Variants in STARD9 observed in about 807,000 individuals in gnomAD.
STARD9 encodes the protein stAR-related lipid transfer protein 9.
A neutral mutation model predicts 399.8 loss-of-function variants in STARD9; 346 were observed. The observed-to-expected ratio is 0.87, with a 90% confidence interval of 0.79 to 0.95. STARD9 has a LOEUF of 0.95. STARD9 is among the 40% of genes least tolerant of loss of function. STARD9 has a pLI of 0.00. For synonymous variants in STARD9, 2,203 were observed against 2,143.5 expected, an observed-to-expected ratio of 1.03 and a Z score of -0.77; for missense variants, 5,832 against 5,667.5, an observed-to-expected ratio of 1.03 and a Z score of -0.93.
Position 42,690,836 on chromosome 15 carries a change from G to T in STARD9, c.9258G>T (p.Glu3086Asp). 2.0e-6 allele frequency: 3 copies of T among 1,537,132 alleles called. No individual in the cohort carries two copies. In the South Asian group the frequency reaches 3.6e-5, roughly 18 times the overall value. The change falls in exon 23 of 33, where the codon GAG becomes GAT. Residue 3086 changes from glutamate to aspartate, a missense_variant. Around this residue, in one of 2 missense-constraint regions of STARD9, gnomAD observed 5,828 missense variants for 5,651.1 expected, o/e 1.03. Coordinates refer to ENST00000290607, the MANE Select transcript of STARD9 (RefSeq NM_020759.3). ...DGSVGLIGVP[E>D]KKVAEKQAST... The stretch of plus-strand genomic sequence containing the variant: ...GCGTGGGGTTAATAGGGGTTCCTGA[G>T]AAAAAGGTTGCTGAGAAGCAAGCAA...
At chr15:42,665,957 C>T (rs1464931100) in intron 15 of STARD9, 109 bp downstream of exon 15, 12 of 852,232 alleles carry the variant, frequency 1.4e-5, no homozygotes, top group East Asian at 5.3e-5. Flanking sequence ...AGAGCTGTCT[C>T]ATTTAAATAC....
At position 42,684,399 on chromosome 15, in the gene STARD9, C is replaced by T. The variant is rs1388042241; in HGVS notation, c.2821C>T (p.Pro941Ser). 2 of 1,537,126 alleles carry T rather than the reference C, an allele frequency of 1.3e-6. No homozygotes were observed. Among genetic ancestry groups the T allele is most frequent in the Non-Finnish European group, 1.7e-6 (2 of 1,146,904 alleles). Residue 941 changes from proline (P) to serine (S), a missense_variant, in exon 23 of 33, where the codon CCC (proline) becomes TCC (serine). Physicochemically the swap from Pro to Ser is moderately conservative, Grantham distance 74. Around this residue, in one of 2 missense-constraint regions of STARD9, gnomAD observed 5,828 missense variants for 5,651.1 expected, o/e 1.03. Transcript: ENST00000290607. ...IQEMEMGVKQ[P>S]HQMVSQGLAS... is the part of the protein sequence containing the mutation. ...GGAAATGGAGATGGGGGTTAAGCAG[C>T]CCCATCAGATGGTGAGCCAGGGCTT...
rs907381154 is a variant in STARD9 at position 42,693,199 on chromosome 15, C to G, written c.11621C>G (p.Ser3874Cys). 2.6e-6 allele frequency: 4 copies of G among 1,537,136 alleles called. No individual in the cohort carries two copies. The highest frequency in any genetic ancestry group is 2.4e-5 in the South Asian group (2 of 84,062). ...PHSPGLFPST[S>C]EYPGDSRVQK... is the part of the protein sequence containing the mutation. The stretch of plus-strand genomic sequence containing the variant: ...TCCCCAGGGCTCTTTCCCAGTACTT[C>G]CGAGTATCCTGGGGACTCCAGGGTC... The change falls in exon 23 of 33, where the codon TCC becomes TGC. Residue 3874 changes from serine to cysteine, a missense_variant. Physicochemically the swap from Ser to Cys is moderately radical, Grantham distance 112. This residue lies in a region of STARD9 where 5,828 missense variants were observed against 5,651.1 expected (regional missense o/e 1.03). Coordinates refer to ENST00000290607, the MANE Select transcript of STARD9 (RefSeq NM_020759.3).
intron 3 of STARD9, among the ~76,000 whole-genome samples, chr15:42,607,657 C>T (rs1013494733): frequency 7.0e-6 from 1 of 142,628 alleles, no homozygotes; most frequent in Non-Finnish European, 1.5e-5. Context: ...CTTATACACA[C>T]ACACACACAC....
Position 42,692,559 on chromosome 15 carries a change from C to A in STARD9, c.10981C>A (p.Pro3661Thr). The A allele has an allele frequency of 3.3e-6, 5 of 1,537,212 alleles. No homozygotes were observed. Among genetic ancestry groups the A allele is most frequent in the Non-Finnish European group, 4.4e-6 (5 of 1,146,916 alleles). The change falls in exon 23 of 33, where the codon CCT becomes ACT. Residue 3661 changes from proline (P) to threonine (T), a missense_variant. This residue lies in a region of STARD9 where 5,828 missense variants were observed against 5,651.1 expected (regional missense o/e 1.03). Transcript: ENST00000290607. The part of the protein sequence containing the change: ...WSSTDISFAQ[P>T]EASAVSAFDL... ...CAGCACTGACATCTCCTTTGCTCAG[C>A]CTGAAGCCAGTGCAGTATCAGCCTT...
At chr15:42,618,426 C>A (rs12914539) in intron 3 of STARD9, among the ~76,000 whole-genome samples, 19,944 of 152,180 alleles carry the variant, frequency 0.13, 1,451 homozygotes, top group African/African-American at 0.16. Context: ...AGCCGCCACA[C>A]CCTGCCACTA....
intron 7 of STARD9, among the ~76,000 whole-genome samples, chr15:42,646,985 A>G (rs981825831): frequency 2.6e-5 from 4 of 152,218 alleles, no homozygotes. Flanking sequence ...TGGCTGGTGG[A>G]GCAGTCAGAA....
chr15:42,686,113 A>T lies in STARD9; in HGVS notation c.4535A>T (p.Tyr1512Phe), dbSNP rs1237183135. 2 of 1,537,164 alleles carry T rather than the reference A, an allele frequency of 1.3e-6. No individual in the cohort carries two copies. Among genetic ancestry groups the T allele is most frequent in the South Asian group, 2.4e-5 (2 of 84,044 alleles). Residue 1512 changes from tyrosine to phenylalanine, a missense_variant, in exon 23 of 33, where the codon TAC (tyrosine) becomes TTC (phenylalanine). This residue lies in a region of STARD9 where 5,828 missense variants were observed against 5,651.1 expected (regional missense o/e 1.03). Transcript: ENST00000290607. ...GGAGCACCCAAGCCAGCTTACCCCT[A>T]CCTTGAGGAAGACTCTGGTTCCCTG... Reference protein sequence around the residue: ...AIGAPKPAYPYLEEDSGSLAQ... With the variant: ...AIGAPKPAYPFLEEDSGSLAQ...
rs533240887 is a variant in STARD9 at position 42,599,245 on chromosome 15, T to C, written c.234+13608T>C. ...TATACTTGGGGATCTCTTTTAAAAC[T>C]CTGTTTTGTTTCCTCAACTGTATTT... On this transcript the variant is annotated intron_variant, in intron 3 of 32. Transcript: ENST00000290607. 6.6e-5 allele frequency among the ~76,000 whole-genome samples: 10 copies of C among 152,318 alleles called. No individual in the cohort carries two copies. The South Asian group carries it at 2.1e-3, about 32-fold the overall frequency.
chr15:42,606,801 T>G (rs2058732752), intron 3 of STARD9, among the ~76,000 whole-genome samples: 1 of 152,020 alleles, frequency 6.6e-6, no homozygotes, highest in Admixed American at 6.6e-5. Context: ...CTTGTATACA[T>G]GTACAGTCAG....
At chr15:42,642,611 CT>C (rs907219325) in intron 7 of STARD9, among the ~76,000 whole-genome samples, 6 of 152,054 alleles carry the variant, frequency 3.9e-5, no homozygotes, top group South Asian at 2.1e-4. Flanking sequence ...GTTCTTGTGC[CT>C]TTTTTTTCTT....
chr15:42,695,694 A>G (rs2060829634), intron 25 of STARD9, 49 bp from the exon 26 acceptor site: 17 of 1,515,234 alleles, frequency 1.1e-5, no homozygotes, highest in Non-Finnish European at 1.5e-5. Flanking sequence ...TGGCCTGGGG[A>G]AAGTGAGGGT....
rs1011794525 is a variant in STARD9 at position 42,687,310 on chromosome 15, G to C, written c.5732G>C (p.Arg1911Pro). The C allele has an allele frequency of 1.3e-6, 2 of 1,536,808 alleles. No homozygotes were observed. The highest frequency in any genetic ancestry group is 2.0e-5 in the Admixed American group (1 of 51,006). ...GAGTCTGGGAAGTCTCTCCTCTTTC[G>C]TGAATCTGAGGCACGAGAGGAAGAA... ...STESGKSLLF[R>P]ESEAREEEEL... Residue 1911 changes from arginine (R) to proline (P), a missense_variant, in exon 23 of 33, where the codon CGT (arginine) becomes CCT (proline). Coordinates refer to ENST00000290607, the MANE Select transcript of STARD9 (RefSeq NM_020759.3).
chr15:42,647,396 T>C (rs1487999461), intron 7 of STARD9, among the ~76,000 whole-genome samples: 2 of 152,200 alleles, frequency 1.3e-5, no homozygotes, highest in African/African-American at 4.8e-5. Context: ...CCAATTTTTG[T>C]TTTATATATT....
chr15:42,575,727 G>T lies in STARD9; in HGVS notation c.12G>T (p.Val4=). 25 of 1,536,632 alleles carry T rather than the reference G, an allele frequency of 1.6e-5. No homozygotes were observed. Among genetic ancestry groups the T allele is most frequent in the East Asian group, 2.4e-5 (1 of 40,906 alleles). Reference sequence around the variant, plus strand: ...GTTGTGGCAGACGGATGGCGAACGTGCAGGTCGCCGTGCGGGTCCGGCCGC... The same window carrying T: ...GTTGTGGCAGACGGATGGCGAACGTTCAGGTCGCCGTGCGGGTCCGGCCGC... MAN[V]QVAVRVRPLS... The change falls in exon 1 of 33, where the codon GTG becomes GTT. Residue 4 remains valine (V), a synonymous_variant. Coordinates refer to ENST00000290607, the MANE Select transcript of STARD9 (RefSeq NM_020759.3).
At chr15:42,642,580 C>A (rs1248978234) in intron 7 of STARD9, among the ~76,000 whole-genome samples, 1 of 152,118 alleles carries the variant, frequency 6.6e-6, no homozygotes, top group Admixed American at 6.5e-5. Context: ...ACAGGAGTTT[C>A]CCCCCAACCC....
rs932472695 is a variant in STARD9 at position 42,689,287 on chromosome 15, C to T, written c.7709C>T (p.Ala2570Val). Reference sequence around the variant, plus strand: ...AGAAAGCAGCTTCATGACTTTGTGGCCAGGGGCACAGTCCTTTCTTACTGT... The same window carrying T: ...AGAAAGCAGCTTCATGACTTTGTGGTCAGGGGCACAGTCCTTTCTTACTGT... ...AQRKQLHDFV[A>V]RGTVLSYCET... Residue 2570 changes from alanine to valine, a missense_variant, in exon 23 of 33, where the codon GCC becomes GTC. Ala to Val is a moderately conservative substitution (Grantham distance 64). Coordinates refer to ENST00000290607, the MANE Select transcript of STARD9 (RefSeq NM_020759.3). 3.3e-6 allele frequency: 5 copies of T among 1,537,116 alleles called. No individual in the cohort carries two copies. The highest frequency in any genetic ancestry group is 2.0e-5 in the Admixed American group (1 of 50,980).
chr15:42,688,443 GAAAATAAAGTGACTCAGA>G lies in STARD9; in HGVS notation c.6868_6885del (p.Asn2290_Lys2295del). On this transcript the variant is annotated inframe_deletion, in exon 23 of 33. Transcript: ENST00000290607. ...GCAAAGGGGAGGCAGCCTTCAGGAAGAAAATAAAGTGACTCAGAAATTTCCTAGTCTCAGCCAGCTTTG... is the reference window on the plus strand; with the variant it reads ...GCAAAGGGGAGGCAGCCTTCAGGAAGAATTTCCTAGTCTCAGCCAGCTTTG... 1 of 1,537,748 alleles carries G rather than the reference GAAAATAAAGTGACTCAGA, an allele frequency of 6.5e-7. No homozygotes were observed. The highest frequency in any genetic ancestry group is 8.7e-7 in the Non-Finnish European group (1 of 1,147,040).
intron 26 of STARD9, among the ~76,000 whole-genome samples, chr15:42,698,950 G>A (rs761233122): frequency 1.3e-5 from 2 of 151,948 alleles, no homozygotes; most frequent in Non-Finnish European, 2.9e-5. Flanking sequence ...CTACCCTGCG[G>A]TAGTGTTAGT....
Sources: allele counts gnomAD v4.1 joint callset (sites outside exome capture counted in the v4.1 genomes callset), GRCh38; gene constraint gnomAD v4.1.1; regional missense constraint gnomAD v4.1.1; transcripts MANE v1.5; gene names NCBI Gene and HGNC (gene_info 2026-07-23, HGNC 2026-07-21).